Variants in AMPD2 observed in about 807,000 individuals in gnomAD.
The protein encoded by AMPD2 is adenosine monophosphate deaminase 2, also known as AMP deaminase 2.
AMPD2 carries 52 observed loss-of-function variants against 91.3 expected under a neutral mutation model. The ratio of observed to expected loss-of-function variants is 0.57; its 90% CI spans 0.46 to 0.72. The LOEUF is 0.72. AMPD2 is among the 30% of genes least tolerant of loss of function. The probability of loss-of-function intolerance (pLI) is 0.00; values close to 1 mark genes in which losing one functional copy is unlikely to be tolerated. For synonymous variants in AMPD2, 455 were observed against 456.4 expected (o/e 1.00, Z 0.04); for missense variants, 822 against 1,122.3 (o/e 0.73, Z 3.82).
At position 109,629,434 on chromosome 1, in the gene AMPD2, T is replaced by C; in HGVS notation, c.1806T>C (p.Tyr602=). The C allele has an allele frequency of 1.2e-6, 2 of 1,614,076 alleles. No individual in the cohort carries two copies. Among genetic ancestry groups the C allele is most frequent in the Non-Finnish European group, 1.7e-6 (2 of 1,179,990 alleles). Residue 602 remains tyrosine (Y), a synonymous_variant, in exon 15 of 19, where the codon TAT becomes TAC. Coordinates refer to ENST00000528667, the MANE Select transcript of AMPD2 (RefSeq NM_001368809.2). Reference sequence around the variant, plus strand: ...GGGTGGAGGAGGACAACCCACCCTATGCCTACTACCTGTACTACACCTTTG... The same window carrying C: ...GGGTGGAGGAGGACAACCCACCCTACGCCTACTACCTGTACTACACCTTTG... ...EAWVEEDNPP[Y]AYYLYYTFAN...
At chr1:109,630,922 C>G in intron 18 of AMPD2, 21 bp from the exon 19 acceptor site, 3 of 1,613,378 alleles carry the variant, frequency 1.9e-6, no homozygotes, top group Non-Finnish European at 2.5e-6. Flanking sequence ...CAGCCCTGCC[C>G]ATTACCCCCG....
Position 109,629,214 on chromosome 1 carries a change from A to G in AMPD2, c.1677A>G (p.Glu559=), listed in dbSNP as rs745433282. The G allele has an allele frequency of 1.2e-6, 2 of 1,614,122 alleles. No homozygotes were observed. Among genetic ancestry groups the G allele is most frequent in the Non-Finnish European group, 8.5e-7 (1 of 1,179,992 alleles). Residue 559 remains glutamate, a synonymous_variant, in exon 14 of 19, where the codon GAA becomes GAG. Transcript: ENST00000528667. ...EATVHPASHP[E]LHLFLEHVDG... ...CTGTGCACCCTGCCAGCCACCCGGA[A>G]CTGCATCTCTTCTTAGAGCACGTGA...
chr1:109,629,052 T>C, intron 13 of AMPD2, 57 bp from the exon 14 acceptor site: 1 of 1,599,058 alleles, frequency 6.3e-7, no homozygotes, highest in South Asian at 1.1e-5. Flanking sequence ...GCTGGACCGC[T>C]GGGTTTCCTC....
Position 109,629,508 on chromosome 1 carries a change from T to C in AMPD2, c.1862+18T>C. 1 of 1,610,148 alleles carries C rather than the reference T, an allele frequency of 6.2e-7. No individual in the cohort carries two copies. The highest frequency in any genetic ancestry group is 8.5e-7 in the Non-Finnish European group (1 of 1,177,698). On this transcript the variant is annotated intron_variant, in intron 15 of 18. Transcript: ENST00000528667. ...CTGCGCAGGTGCCTGCACCACCCTG[T>C]GTCTGCTTGCTATGCCATCTCTCGC...
chr1:109,628,963 C>A lies in AMPD2; in HGVS notation c.1572-146C>A. 2 of 1,432,566 alleles carry A rather than the reference C, an allele frequency of 1.4e-6. No individual in the cohort carries two copies. Among genetic ancestry groups the A allele is most frequent in the Non-Finnish European group, 1.9e-6 (2 of 1,070,576 alleles). The allele number at this position is 1,432,566 out of a possible 1,614,324, so 88.7% of individuals were successfully genotyped here. A position where few individuals can be genotyped will look rare whatever the true frequency, so the allele number is the denominator to read the frequency against. On this transcript the variant is annotated intron_variant, in intron 13 of 18. Coordinates refer to ENST00000528667, the MANE Select transcript of AMPD2 (RefSeq NM_001368809.2). This position sits in a 1 kb window ranked among gnomAD's most constrained non-coding sequence, Gnocchi z 7.1. ...CTGGTCCCATCCATGGTCTGTCCAG[C>A]CTGGCCCACCTGGGTATCCTTGCTT... is the stretch of plus-strand genomic sequence containing the variant.
intron 16 of AMPD2, 32 bp from the exon 17 acceptor site, chr1:109,630,201 T>G: frequency 6.2e-7 from 1 of 1,607,660 alleles, no homozygotes; most frequent in Non-Finnish European, 8.5e-7. Flanking sequence ...CGGGGCCACC[T>G]GACAGGCCCT....
Position 109,620,086 on chromosome 1 carries a change from C to A in AMPD2, c.-455C>A. The A allele has an allele frequency of 1.3e-6, 1 of 776,756 alleles. No individual in the cohort carries two copies. Among genetic ancestry groups the A allele is most frequent in the Non-Finnish European group, 2.1e-6 (1 of 477,148 alleles). The allele number at this position is 776,756 out of a possible 1,614,324, so 48.1% of individuals were successfully genotyped here. On this transcript the variant is annotated 5_prime_UTR_variant, in exon 1 of 19. Transcript: ENST00000528667. ...TCCGGCTGCCGAGGTCTGCGGGAGT[C>A]CACCTCCGGCCAGCTGGCAATTTTG...
In AMPD2 at chr1:109,624,192, T is replaced by A; in HGVS notation, c.92-1111T>A. 1 of 557,146 alleles carries A rather than the reference T, an allele frequency of 1.8e-6. No individual in the cohort carries two copies. Among genetic ancestry groups the A allele is most frequent in the Non-Finnish European group, 2.3e-6 (1 of 438,422 alleles). 34.5% of individuals were successfully genotyped at this position (557,146 alleles called of 1,614,324 possible). On this transcript the variant is annotated intron_variant, in intron 2 of 18. Transcript: ENST00000528667. The surrounding 1 kb of genome is among the most constrained non-coding windows in gnomAD (Gnocchi z 5.2). ...TCCAGCTTTGGGACCAGTCCTGGAGTATTGGGAAATGGGCGCAGAGACTTT... is the reference window on the plus strand; with the variant it reads ...TCCAGCTTTGGGACCAGTCCTGGAGAATTGGGAAATGGGCGCAGAGACTTT...
chr1:109,622,109 G>C (rs892567972), intron 2 of AMPD2: 22 of 427,470 alleles, frequency 5.1e-5, no homozygotes, highest in Non-Finnish European at 1.0e-4. Context: ...AGATCATGCC[G>C]ACTGCCCCCA....
In AMPD2 at chr1:109,631,310, G is replaced by A; in HGVS notation, c.*158G>A. 3 of 767,386 alleles carry A rather than the reference G, an allele frequency of 3.9e-6. No homozygotes were observed. The South Asian group carries it at 5.3e-5, about 13-fold the overall frequency. 47.5% of individuals were successfully genotyped at this position (767,386 alleles called of 1,614,324 possible). On this transcript the variant is annotated 3_prime_UTR_variant, in exon 19 of 19. Transcript: ENST00000528667. The stretch of plus-strand genomic sequence containing the variant: ...ACTGTCCCTGGGCCACCCAGTGAAA[G>A]CAAAGCCTGGGAATCTGCTCATTGT...
Position 109,625,616 on chromosome 1 carries a change from C to T in AMPD2, c.223-46C>T, listed in dbSNP as rs755176761. The T allele has an allele frequency of 5.1e-5, 82 of 1,608,646 alleles. No individual in the cohort carries two copies. Among genetic ancestry groups the T allele is most frequent in the Middle Eastern group, 1.7e-4 (1 of 6,050 alleles). On this transcript the variant is annotated intron_variant, in intron 3 of 18. Transcript: ENST00000528667. The surrounding 1 kb of genome is among the most constrained non-coding windows in gnomAD (Gnocchi z 4.0). Reference sequence around the variant, plus strand: ...TCCCCAGACTCTGTAGGAGAGTGCCCGAGGGCGGAGGGCCAGCCATGCTGA... The same window carrying T: ...TCCCCAGACTCTGTAGGAGAGTGCCTGAGGGCGGAGGGCCAGCCATGCTGA...
At chr1:109,623,030 C>T (rs1650385728) in intron 2 of AMPD2, among the ~76,000 whole-genome samples, 1 of 152,212 alleles carries the variant, frequency 6.6e-6, no homozygotes, top group Non-Finnish European at 1.5e-5. Flanking sequence ...GCCAAGTTCA[C>T]TTCACTGCCC....
chr1:109,625,278 G>T lies in AMPD2; in HGVS notation c.92-25G>T. ...TTCAGGGGCTGCCCCTCCACCCTTT[G>T]ACCCTGGCATCACTGTCTCTGCAGA... On this transcript the variant is annotated intron_variant, in intron 2 of 18. Coordinates refer to ENST00000528667, the MANE Select transcript of AMPD2 (RefSeq NM_001368809.2). The surrounding 1 kb of genome is among the most constrained non-coding windows in gnomAD (Gnocchi z 4.0). 6.2e-7 allele frequency: 1 copy of T among 1,610,328 alleles called. No individual in the cohort carries two copies. The highest frequency in any genetic ancestry group is 1.1e-5 in the South Asian group (1 of 90,894).
At chr1:109,622,282 C>T (rs1291094152) in intron 2 of AMPD2, 1 of 456,274 alleles carries the variant, frequency 2.2e-6, no homozygotes, top group Non-Finnish European at 4.4e-6. Flanking sequence ...CCTTCCTGGC[C>T]CTGTTTGGTT....
chr1:109,625,256 AG>A lies in AMPD2; in HGVS notation c.92-43del. The A allele has an allele frequency of 6.3e-7, 1 of 1,599,018 alleles. No individual in the cohort carries two copies. Among genetic ancestry groups the A allele is most frequent in the Non-Finnish European group, 8.5e-7 (1 of 1,171,386 alleles). On this transcript the variant is annotated intron_variant, in intron 2 of 18. Coordinates refer to ENST00000528667, the MANE Select transcript of AMPD2 (RefSeq NM_001368809.2). The surrounding 1 kb of genome is among the most constrained non-coding windows in gnomAD (Gnocchi z 4.0). ...GGCAGGGCAGGGGCCCAGGGCTTTC[AG>A]GGGCTGCCCCTCCACCCTTTGACCC...
Position 109,630,234 on chromosome 1 carries a change from C to T in AMPD2, c.1985C>T (p.Ala662Val), listed in dbSNP as rs1301524361. 1 of 1,612,094 alleles carries T rather than the reference C, an allele frequency of 6.2e-7. No individual in the cohort carries two copies. The highest frequency in any genetic ancestry group is 8.5e-7 in the Non-Finnish European group (1 of 1,179,994). Residue 662 changes from alanine (A) to valine (V), a missense_variant and splice_region_variant, in exon 17 of 19, where the codon GCC becomes GTC. Ala to Val is a moderately conservative substitution (Grantham distance 64). This residue lies in a region of AMPD2 where 430 missense variants were observed against 606.0 expected (regional missense o/e 0.71). Transcript: ENST00000528667. ...NISHGLLLRK[A>V]PVLQYLYYLA... is the part of the protein sequence containing the mutation. ...CCTCCCTCCCTGTTGCCTGCCCAGG[C>T]CCCCGTCCTGCAGTACCTGTACTAC...
intron 15 of AMPD2, 71 bp from the exon 16 acceptor site, chr1:109,629,724 TG>T (rs5776989): frequency 6.5e-7 from 1 of 1,527,340 alleles, no homozygotes; most frequent in Non-Finnish European, 8.8e-7. Flanking sequence ...GCGTGCTGGG[TG>T]GGGGTCAGGG....
Position 109,621,013 on chromosome 1 carries a change from C to CA in AMPD2, c.-162dup, listed in dbSNP as rs1650199718. The CA allele has an allele frequency of 1.3e-6, 2 of 1,584,888 alleles. No homozygotes were observed. The highest frequency in any genetic ancestry group is 2.7e-5 in the African/African-American group (2 of 74,416). On this transcript the variant is annotated 5_prime_UTR_variant, in exon 2 of 19. It adds an upstream start codon to the 5' untranslated region. Transcript: ENST00000528667. Reference sequence around the variant, plus strand: ...CCACTCCCCGAGGTTGCCTAGACAACATGAGAAATCGTGGCCAGGGCCTCT... The same window carrying CA: ...CCACTCCCCGAGGTTGCCTAGACAACAATGAGAAATCGTGGCCAGGGCCTCT...
chr1:109,626,933 C>T (rs892928468), intron 7 of AMPD2, 21 bp downstream of exon 7: 2 of 1,605,274 alleles, frequency 1.2e-6, no homozygotes, highest in African/African-American at 1.3e-5. Flanking sequence ...CCATCTCTGC[C>T]CCATGCCATG....
Sources: allele counts gnomAD v4.1 joint callset (sites outside exome capture counted in the v4.1 genomes callset), GRCh38; gene constraint gnomAD v4.1.1; regional missense constraint gnomAD v4.1.1; non-coding constraint Gnocchi (gnomAD v3.1); transcripts MANE v1.5; gene names NCBI Gene and HGNC (gene_info 2026-07-23, HGNC 2026-07-21).